SGMS2: variants seen among roughly 807,000 people sequenced by gnomAD.
SGMS2 encodes the protein sphingomyelin synthase 2, also known as phosphatidylcholine:ceramide cholinephosphotransferase 2.
Under a neutral mutation model 43.8 loss-of-function variants are expected in SGMS2, and 21 were observed. That is an observed-to-expected ratio of 0.48 (90% CI 0.34 to 0.69). SGMS2 has a LOEUF of 0.69. Ranked by LOEUF, SGMS2 falls within the 30% of genes least tolerant of loss-of-function variation. The probability of loss-of-function intolerance (pLI) is 0.01; values close to 1 mark genes in which losing one functional copy is unlikely to be tolerated. For missense variants in SGMS2, 384 were observed against 443.2 expected, an observed-to-expected ratio of 0.87 and a Z score of 1.20; for synonymous variants, 167 against 160.6, an observed-to-expected ratio of 1.04 and a Z score of -0.30.
intron 2 of SGMS2, among the ~76,000 whole-genome samples, chr4:107,870,561 G>A (rs1421744106): frequency 6.6e-6 from 1 of 152,026 alleles, no homozygotes; most frequent in Non-Finnish European, 1.5e-5. Context: ...AAAGATACCC[G>A]CCATTAACCC....
chr4:107,843,653 A>T (rs1298434702), intron 1 of SGMS2, among the ~76,000 whole-genome samples: 3 of 152,166 alleles, frequency 2.0e-5, no homozygotes, highest in Non-Finnish European at 4.4e-5. Flanking sequence ...GTTAGGACTG[A>T]AGAGTAAATT....
chr4:107,870,015 T>C (rs1728440459), intron 2 of SGMS2, among the ~76,000 whole-genome samples: 1 of 152,200 alleles, frequency 6.6e-6, no homozygotes, highest in Admixed American at 6.5e-5. Context: ...TTTCCTTGTG[T>C]AGGAATGTCC....
Position 107,914,974 on chromosome 4 carries a change from T to A in SGMS2, c.*4421T>A, listed in dbSNP as rs1560685310. ...TTCTAATCTCTTTGGTTTTGCTTTTTAAAAAATGCAAGAGCCTATACTTTG... is the reference window on the plus strand; with the variant it reads ...TTCTAATCTCTTTGGTTTTGCTTTTAAAAAAATGCAAGAGCCTATACTTTG... On this transcript the variant is annotated 3_prime_UTR_variant, in exon 7 of 7. Transcript: ENST00000690982. 6.6e-6 allele frequency: 1 copy of A among 152,162 alleles called. No homozygotes were observed. Among genetic ancestry groups the A allele is most frequent in the Non-Finnish European group, 1.5e-5 (1 of 68,030 alleles). The allele number at this position is 152,162 out of a possible 1,614,324, so 9.4% of individuals were successfully genotyped here.
intron 2 of SGMS2, among the ~76,000 whole-genome samples, chr4:107,878,150 A>G (rs1474989467): frequency 2.6e-5 from 4 of 152,012 alleles, no homozygotes; most frequent in Non-Finnish European, 5.9e-5. Flanking sequence ...TCCTGACCTC[A>G]CGATCCACCC....
chr4:107,831,384 A>T (rs1207966269), intron 1 of SGMS2, among the ~76,000 whole-genome samples: 1 of 152,148 alleles, frequency 6.6e-6, no homozygotes, highest in Non-Finnish European at 1.5e-5. Flanking sequence ...CAGCACTGCC[A>T]CTCATCACTA....
At chr4:107,854,818 A>C (rs967872736) in intron 1 of SGMS2, among the ~76,000 whole-genome samples, 4 of 152,152 alleles carry the variant, frequency 2.6e-5, no homozygotes, top group African/African-American at 9.7e-5. Flanking sequence ...ACAGTGAAAA[A>C]CTATCAAGTG....
In SGMS2 at chr4:107,912,176, G is replaced by A. The variant is rs1275156749; in HGVS notation, c.*1623G>A. On this transcript the variant is annotated 3_prime_UTR_variant, in exon 7 of 7. Transcript: ENST00000690982. ...TTCAGAAGGGTCAACATCCTTTGGT[G>A]CTAAAATCTTGTGTATGTTTTCAGA... is the stretch of plus-strand genomic sequence containing the variant. 1 of 152,134 alleles carries A rather than the reference G, an allele frequency of 6.6e-6. No individual in the cohort carries two copies. The highest frequency in any genetic ancestry group is 6.6e-5 in the Admixed American group (1 of 15,256). 9.4% of individuals were successfully genotyped at this position (152,134 alleles called of 1,614,324 possible).
chr4:107,831,624 T>C (rs1442675603), intron 1 of SGMS2, among the ~76,000 whole-genome samples: 2 of 152,218 alleles, frequency 1.3e-5, no homozygotes, highest in Non-Finnish European at 2.9e-5. Context: ...TCCCGTTGTG[T>C]CAAATGGAAC....
chr4:107,908,655 A>G lies in SGMS2; in HGVS notation c.818A>G (p.Tyr273Cys). The stretch of plus-strand genomic sequence containing the variant: ...TGCATTCTTGTAGCACACGAACACT[A>G]CACTATCGATGTGATCATTGCTTAT... Reference protein sequence around the residue: ...IICILVAHEHYTIDVIIAYYI... With the variant: ...IICILVAHEHCTIDVIIAYYI... The change falls in exon 6 of 7, where the codon TAC becomes TGC. Residue 273 changes from tyrosine to cysteine, a missense_variant. Tyr to Cys is a radical substitution (Grantham distance 194). Transcript: ENST00000690982. The G allele has an allele frequency of 6.2e-7, 1 of 1,613,916 alleles. No homozygotes were observed. The highest frequency in any genetic ancestry group is 8.5e-7 in the Non-Finnish European group (1 of 1,179,842).
intron 6 of SGMS2, among the ~76,000 whole-genome samples, chr4:107,908,999 TA>T (rs1466560395): frequency 6.6e-6 from 1 of 152,190 alleles, no homozygotes; most frequent in Non-Finnish European, 1.5e-5. Flanking sequence ...TGTACTAAAT[TA>T]AAATTTAGGA....
intron 2 of SGMS2, among the ~76,000 whole-genome samples, chr4:107,876,751 T>A (rs1728939442): frequency 6.6e-6 from 1 of 152,164 alleles, no homozygotes; most frequent in African/African-American, 2.4e-5. Flanking sequence ...TTATCCTGAG[T>A]TTTCTACAAC....
At chr4:107,858,028 C>G (rs1348853708) in intron 1 of SGMS2, among the ~76,000 whole-genome samples, 1 of 151,900 alleles carries the variant, frequency 6.6e-6, no homozygotes, top group African/African-American at 2.4e-5. Context: ...CATCCCCAAC[C>G]CTTATTAAGT....
chr4:107,845,238 C>A (rs566065782), intron 1 of SGMS2, among the ~76,000 whole-genome samples: 10 of 152,140 alleles, frequency 6.6e-5, no homozygotes, highest in Non-Finnish European at 1.0e-4. Flanking sequence ...ATTAGCAGAA[C>A]CTTCCTTCTC....
intron 5 of SGMS2, among the ~76,000 whole-genome samples, chr4:107,903,773 A>C (rs1384308152): frequency 4.6e-5 from 7 of 152,170 alleles, no homozygotes; most frequent in Admixed American, 4.6e-4. Context: ...AGATGTAATG[A>C]CCTTTGAATT....
intron 1 of SGMS2, among the ~76,000 whole-genome samples, chr4:107,846,763 C>T (rs1409435385): frequency 6.8e-6 from 1 of 147,026 alleles, no homozygotes; most frequent in Non-Finnish European, 1.5e-5. Flanking sequence ...TCCACATCCT[C>T]TCCAGCACCT....
intron 4 of SGMS2, among the ~76,000 whole-genome samples, chr4:107,901,693 TCAGA>T (rs776918466): frequency 2.0e-5 from 3 of 152,198 alleles, no homozygotes; most frequent in Non-Finnish European, 4.4e-5. Context: ...TGATTTACAG[TCAGA>T]CAATCTGTGT....
At chr4:107,901,549 C>T (rs1270070685) in intron 4 of SGMS2, among the ~76,000 whole-genome samples, 1 of 152,194 alleles carries the variant, frequency 6.6e-6, no homozygotes, top group South Asian at 2.1e-4. Context: ...TTGTAACTCA[C>T]CAGACATGCT....
At chr4:107,828,434 TG>T (rs1469791418) in intron 1 of SGMS2, among the ~76,000 whole-genome samples, 2 of 152,206 alleles carry the variant, frequency 1.3e-5, no homozygotes, top group African/African-American at 4.8e-5. Flanking sequence ...TCTACAAAAA[TG>T]GGTTCATTCT....
chr4:107,830,728 T>G (rs552493553), intron 1 of SGMS2, among the ~76,000 whole-genome samples: 7 of 150,514 alleles, frequency 4.7e-5, no homozygotes, highest in East Asian at 1.9e-4. Flanking sequence ...GGGTTGTTGG[T>G]TTTTTTTGCT....
Sources: gnomAD v4.1 joint callset for allele counts (sites outside exome capture counted in the v4.1 genomes callset) on GRCh38, gnomAD v4.1.1 for gene constraint, MANE v1.5 for transcripts, NCBI Gene and HGNC (gene_info 2026-07-23, HGNC 2026-07-21) for gene names.